RNLS: variants seen among roughly 807,000 people sequenced by gnomAD.
RNLS encodes the protein renalase.
In RNLS, 39 loss-of-function variants were observed where a neutral mutation model predicts 39.8. The observed-to-expected ratio is 0.98, with a 90% CI of 0.76 to 1.28. The LOEUF (loss-of-function observed/expected upper bound fraction) is 1.28, where lower values mean the gene tolerates loss of function less well. Ranked by LOEUF, RNLS falls within the 50% of genes most tolerant of loss-of-function variation. RNLS has a pLI of 0.00. For synonymous variants in RNLS, 147 were observed against 150.7 expected (o/e 0.98, Z 0.18); for missense variants, 410 against 413.3 (o/e 0.99, Z 0.07).
At chr10:88,310,801 C>CAAAAAA (rs577838661) in intron 6 of RNLS, among the ~76,000 whole-genome samples, 21 of 19,606 alleles carry the variant, frequency 1.1e-3, no homozygotes, top group African/African-American at 4.2e-3. Flanking sequence ...CTACCTCTGC[C>CAAAAAA]AAAAAAAAAA....
chr10:88,189,983 C>G, the RNLS span, among the ~76,000 whole-genome samples: 2 of 152,136 alleles, frequency 1.3e-5, no homozygotes, highest in African/African-American at 4.8e-5. Context: ...AACCATGACT[C>G]CTTCTTGGGG....
the RNLS span, among the ~76,000 whole-genome samples, chr10:88,225,069 T>C: frequency 6.6e-6 from 1 of 152,200 alleles, no homozygotes; most frequent in Admixed American, 6.5e-5. Flanking sequence ...TGAAATGATA[T>C]CTGTGTGGAT....
chr10:88,314,549 A>G lies in RNLS; in HGVS notation c.793T>C (p.Leu265=). ...LEHSIEDVQE[L]VFQQLENILP... ...ATGTTTTCCAGCTGCTGGAAGACTA[A>G]CTCTTGCACATCCTCAATGCTGTGT... Residue 265 remains leucine, a synonymous_variant, in exon 6 of 7, where the codon TTA becomes CTA. Coordinates refer to ENST00000331772, the MANE Select transcript of RNLS (RefSeq NM_001031709.3). The G allele has an allele frequency of 6.2e-7, 1 of 1,613,984 alleles. No homozygotes were observed. The highest frequency in any genetic ancestry group is 1.3e-5 in the African/African-American group (1 of 75,030).
the RNLS span, among the ~76,000 whole-genome samples, chr10:88,267,534 C>A: frequency 6.6e-6 from 1 of 152,194 alleles, no homozygotes; most frequent in African/African-American, 2.4e-5. Flanking sequence ...ACAATCACAC[C>A]ACTGTGCTCC....
intron 4 of RNLS, among the ~76,000 whole-genome samples, chr10:88,403,927 C>T (rs1853101372): frequency 6.6e-6 from 1 of 151,686 alleles, no homozygotes; most frequent in Non-Finnish European, 1.5e-5. Context: ...GCTATAAGAC[C>T]CAGTTATTTG....
At chr10:88,295,953 G>A (rs1335729297) in intron 6 of RNLS, among the ~76,000 whole-genome samples, 1 of 152,070 alleles carries the variant, frequency 6.6e-6, no homozygotes, top group Non-Finnish European at 1.5e-5. Flanking sequence ...GTTTTCTCTA[G>A]AACTATTGAA....
At chr10:88,538,862 G>GC (rs1387117701) in intron 4 of RNLS, among the ~76,000 whole-genome samples, 8 of 152,014 alleles carry the variant, frequency 5.3e-5, no homozygotes, top group Admixed American at 5.3e-4. Context: ...AAAGTTACTA[G>GC]CCCCATTTAA....
chr10:88,577,510 T>C (rs1850282570), intron 3 of RNLS, among the ~76,000 whole-genome samples: 1 of 152,310 alleles, frequency 6.6e-6, no homozygotes, highest in Non-Finnish European at 1.5e-5. Context: ...CCTTGAAAAT[T>C]TACTGTGAGA....
chr10:88,471,636 A>T (rs1354461023), intron 4 of RNLS, among the ~76,000 whole-genome samples: 1 of 152,210 alleles, frequency 6.6e-6, no homozygotes, highest in East Asian at 1.9e-4. Flanking sequence ...GCTTCAGAAA[A>T]GCTGTTAAAT....
At chr10:88,398,500 C>T (rs887000220) in intron 4 of RNLS, among the ~76,000 whole-genome samples, 1 of 151,952 alleles carries the variant, frequency 6.6e-6, no homozygotes, top group African/African-American at 2.4e-5. Flanking sequence ...TTTACTATAT[C>T]TAAGAATTGA....
chr10:88,219,345 G>C, the RNLS span, among the ~76,000 whole-genome samples: 1 of 152,058 alleles, frequency 6.6e-6, no homozygotes, highest in African/African-American at 2.4e-5. Context: ...ATTCTCATCT[G>C]TGCAAAAAGA....
At chr10:88,214,610 T>A in the RNLS span, among the ~76,000 whole-genome samples, 22 of 152,222 alleles carry the variant, frequency 1.4e-4, no homozygotes, top group Non-Finnish European at 2.8e-4. Context: ...TTTTTCTGTG[T>A]GATTTTTGTG....
chr10:88,312,527 G>A (rs1589523640), intron 6 of RNLS, among the ~76,000 whole-genome samples: 1 of 152,128 alleles, frequency 6.6e-6, no homozygotes, highest in Admixed American at 6.6e-5. Context: ...GGAAATATAA[G>A]GTGGGTGAAG....
downstream of RNLS, among the ~76,000 whole-genome samples, chr10:88,270,102 C>T (rs987472634): frequency 3.9e-5 from 6 of 152,148 alleles, no homozygotes; most frequent in Non-Finnish European, 7.4e-5. Flanking sequence ...TTAAGCCAGC[C>T]GGGAACATGA....
rs370913927 is a variant in RNLS at position 88,426,825 on chromosome 10, T to C, written c.527-64100A>G. Among the ~76,000 whole-genome samples, 9 of 151,994 alleles carry C rather than the reference T, an allele frequency of 5.9e-5. No individual in the cohort carries two copies. The East Asian group carries it at 9.7e-4, about 16-fold the overall frequency. ...CACAGCTTTCTCATAAGTGTGAAGA[T>C]CCTAGGGGGTAACAGTAGTACATGG... On this transcript the variant is annotated intron_variant, in intron 4 of 6. Transcript: ENST00000331772.
rs554319662 is a variant in RNLS at position 88,500,304 on chromosome 10, G to A, written c.526+72599C>T. 2.6e-5 allele frequency among the ~76,000 whole-genome samples: 4 copies of A among 152,242 alleles called. No homozygotes were observed. The South Asian group carries it at 8.3e-4, about 32-fold the overall frequency. ...CAGGAGGTATTCAGGAGAGCCATAT[G>A]ACTCATTTAGAACACTGAGATTAAG... On this transcript the variant is annotated intron_variant, in intron 4 of 6. Transcript: ENST00000331772.
intron 4 of RNLS, among the ~76,000 whole-genome samples, chr10:88,445,225 A>G (rs528344259): frequency 2.0e-5 from 3 of 152,370 alleles, no homozygotes; most frequent in African/African-American, 7.2e-5. Context: ...ACTAAGCTTC[A>G]TAAGTGAAGG....
chr10:88,312,168 G>A (rs1457025392), intron 6 of RNLS, among the ~76,000 whole-genome samples: 2 of 152,242 alleles, frequency 1.3e-5, no homozygotes, highest in African/African-American at 2.4e-5. Flanking sequence ...AATTATGAGT[G>A]AGCTGAAGCT....
chr10:88,320,129 G>T (rs1199369735), intron 5 of RNLS, among the ~76,000 whole-genome samples: 2 of 151,430 alleles, frequency 1.3e-5, no homozygotes, highest in African/African-American at 2.4e-5. Context: ...AGAGATTGGG[G>T]GTATATTTTT....
Sources: gnomAD v4.1 joint callset for allele counts (sites outside exome capture counted in the v4.1 genomes callset) on GRCh38, gnomAD v4.1.1 for gene constraint, MANE v1.5 for transcripts, NCBI Gene and HGNC (gene_info 2026-07-23, HGNC 2026-07-21) for gene names.